Variants in SACS observed in about 807,000 individuals in gnomAD.
SACS encodes the protein sacsin.
A neutral mutation model predicts 348.0 loss-of-function variants in SACS; 197 were observed. That is an observed-to-expected ratio of 0.57 (90% CI 0.50 to 0.64). The LOEUF (loss-of-function observed/expected upper bound fraction) is 0.64, where lower values mean the gene tolerates loss of function less well. SACS is among the 30% of genes least tolerant of loss of function. The pLI is 0.00. For synonymous variants in SACS, 1,985 were observed against 1,910.6 expected, an observed-to-expected ratio of 1.04 and a Z score of -1.02; for missense variants, 4,999 against 5,360.8, an observed-to-expected ratio of 0.93 and a Z score of 2.11.
chr13:23,337,742 ATC>A lies in SACS; in HGVS notation c.6132_6133del (p.Gln2044HisfsTer4). On this transcript the variant is annotated frameshift_variant, in exon 10 of 10. Transcript: ENST00000382292. LOFTEE classifies it high-confidence loss of function. ...CTCTGAAAATGTGTTTTCAAGTAGT[ATC>A]TGTTTGCAGCCAGCTTCTTCAAATC... 6.2e-7 allele frequency: 1 copy of A among 1,613,896 alleles called. No individual in the cohort carries two copies. The highest frequency in any genetic ancestry group is 8.5e-7 in the Non-Finnish European group (1 of 1,179,964).
rs372116193 is a variant in SACS at position 23,350,703 on chromosome 13, A to G, written c.2185+3082T>C. On this transcript the variant is annotated intron_variant, in intron 9 of 9. Transcript: ENST00000382292. ...GAGTAATCATTATGTAGAGCAAAAAATATCAAATGTAGTTACATGTCTGTG... is the reference window on the plus strand; with the variant it reads ...GAGTAATCATTATGTAGAGCAAAAAGTATCAAATGTAGTTACATGTCTGTG... 2.3e-4 allele frequency among the ~76,000 whole-genome samples: 35 copies of G among 152,322 alleles called. No homozygotes were observed. The South Asian group carries it at 7.3e-3, about 32-fold the overall frequency.
chr13:23,411,347 C>T lies in SACS; in HGVS notation c.-108G>A, dbSNP rs974910137. Reference sequence around the variant, plus strand: ...CTTTAAATGTGTACTCCAAGTTCAGCTCTTCCTGCCAGGTGGAAAAAAAGC... The same window carrying T: ...CTTTAAATGTGTACTCCAAGTTCAGTTCTTCCTGCCAGGTGGAAAAAAAGC... On this transcript the variant is annotated 5_prime_UTR_variant, in exon 2 of 10. Coordinates refer to ENST00000382292, the MANE Select transcript of SACS (RefSeq NM_014363.6). 10 of 1,007,246 alleles carry T rather than the reference C, an allele frequency of 9.9e-6. No individual in the cohort carries two copies. The highest frequency in any genetic ancestry group is 5.5e-5 in the Admixed American group (3 of 54,444). The allele number at this position is 1,007,246 out of a possible 1,614,324, so 62.4% of individuals were successfully genotyped here.
intron 1 of SACS, among the ~76,000 whole-genome samples, chr13:23,426,140 C>G (rs929640879): frequency 6.6e-6 from 1 of 152,138 alleles, no homozygotes; most frequent in African/African-American, 2.4e-5. Flanking sequence ...TTATTCCCCA[C>G]GACTGAGTGC....
At chr13:23,358,305 A>G in intron 7 of SACS, 30 bp downstream of exon 7, 1 of 1,606,496 alleles carries the variant, frequency 6.2e-7, no homozygotes, top group South Asian at 1.1e-5. Context: ...ATATTTTCTA[A>G]TACCAAGACC....
chr13:23,408,774 G>A lies in SACS; in HGVS notation c.20+2446C>T, dbSNP rs534894401. 5.9e-5 allele frequency among the ~76,000 whole-genome samples: 9 copies of A among 152,060 alleles called. No individual in the cohort carries two copies. The East Asian group carries it at 9.8e-4, about 17-fold the overall frequency. On this transcript the variant is annotated intron_variant, in intron 2 of 9. Transcript: ENST00000382292. Reference sequence around the variant, plus strand: ...AGGTCAGGAAATCGAGACCATCCTGGCTAACACGGTGAAACCCCATCTCTA... The same window carrying A: ...AGGTCAGGAAATCGAGACCATCCTGACTAACACGGTGAAACCCCATCTCTA...
intron 6 of SACS, among the ~76,000 whole-genome samples, chr13:23,363,901 CTGAAGTCTCT>C (rs945542263): frequency 2.9e-4 from 44 of 152,270 alleles, no homozygotes; most frequent in African/African-American, 9.9e-4. Context: ...AGGACTTAAC[CTGAAGTCTCT>C]TGAATCCAAT....
At chr13:23,373,497 G>A (rs1871524161) in intron 3 of SACS, 1 of 154,614 alleles carries the variant, frequency 6.5e-6, no homozygotes, top group Non-Finnish European at 1.4e-5. Flanking sequence ...CAGTCGGGGG[G>A]CTGAGCGCAG....
intron 2 of SACS, among the ~76,000 whole-genome samples, chr13:23,409,159 C>G (rs188794402): frequency 1.1e-3 from 163 of 141,904 alleles, no homozygotes; most frequent in Non-Finnish European, 1.9e-3. Context: ...CAGCTTCACA[C>G]CATTCTCCTG....
At chr13:23,360,241 G>C (rs1228308473) in intron 6 of SACS, among the ~76,000 whole-genome samples, 1 of 152,092 alleles carries the variant, frequency 6.6e-6, no homozygotes, top group Non-Finnish European at 1.5e-5. Context: ...ATATGATACT[G>C]TCAGTCTTTA....
rs1283337946 is a variant in SACS at position 23,335,997 on chromosome 13, T to C, written c.7879A>G (p.Asn2627Asp). ...YKTGQYGIGFNSVYHITDCPS... is the reference protein window; with the variant it reads ...YKTGQYGIGFDSVYHITDCPS... ...CAGTCTGTGATATGATACACAGAAT[T>C]GAATCCTATTCCATACTGTCCAGTT... Residue 2627 changes from asparagine (N) to aspartate (D), a missense_variant, in exon 10 of 10, where the codon AAT becomes GAT. Physicochemically the swap from Asn to Asp is conservative, Grantham distance 23. Coordinates refer to ENST00000382292, the MANE Select transcript of SACS (RefSeq NM_014363.6). The surrounding 1 kb of genome is among the most constrained non-coding windows in gnomAD (Gnocchi z 4.7). 6.2e-7 allele frequency: 1 copy of C among 1,612,954 alleles called. No homozygotes were observed. The highest frequency in any genetic ancestry group is 8.5e-7 in the Non-Finnish European group (1 of 1,179,104).
intron 2 of SACS, among the ~76,000 whole-genome samples, chr13:23,398,444 G>A (rs1158720491): frequency 6.8e-6 from 1 of 148,134 alleles, no homozygotes; most frequent in East Asian, 2.0e-4. Context: ...TGAGGCAGGA[G>A]AATTGCTTGA....
intron 2 of SACS, among the ~76,000 whole-genome samples, chr13:23,396,344 T>TTATA (rs1872711485): frequency 1.3e-5 from 2 of 150,516 alleles, no homozygotes; most frequent in African/African-American, 4.9e-5. Context: ...AAAAAAGAAC[T>TTATA]TATATAAATT....
At chr13:23,387,566 G>A (rs1370205069) in intron 2 of SACS, among the ~76,000 whole-genome samples, 1 of 151,804 alleles carries the variant, frequency 6.6e-6, no homozygotes, top group African/African-American at 2.4e-5. Context: ...AGACCCTGTA[G>A]AGATAAGCTG....
Position 23,332,219 on chromosome 13 carries a change from C to T in SACS, c.11657G>A (p.Arg3886Lys). ...CTTGACTGAATCATTCTGTAGACTC[C>T]TGAACAGACCAGAAACTACTCTCTT... Reference protein sequence around the residue: ...TVKRVVSGLFRSLQNDSVKVR... With the variant: ...TVKRVVSGLFKSLQNDSVKVR... Residue 3886 changes from arginine (R) to lysine (K), a missense_variant, in exon 10 of 10, where the codon AGG becomes AAG. Transcript: ENST00000382292. 1 of 1,613,980 alleles carries T rather than the reference C, an allele frequency of 6.2e-7. No individual in the cohort carries two copies. The highest frequency in any genetic ancestry group is 1.3e-5 in the African/African-American group (1 of 75,020).
intron 2 of SACS, among the ~76,000 whole-genome samples, chr13:23,376,242 G>A (rs1474448761): frequency 6.6e-6 from 1 of 152,152 alleles, no homozygotes; most frequent in Non-Finnish European, 1.5e-5. Context: ...TTGAAAGCAG[G>A]AACATGAGTC....
chr13:23,355,624 CCA>C lies in SACS; in HGVS notation c.986_987del (p.Leu329ArgfsTer3). ...CTCTCACTCGAAGTCACTCTAAACA[CCA>C]GTTTCTCTGTTCCGTCAGCCTCTCG... Reference protein sequence around the residue: ...YVREADGTEKLVFRVTSSESK... With the variant: ...YVREADGTEKXVFRVTSSESK... On this transcript the variant is annotated frameshift_variant, in exon 8 of 10. Transcript: ENST00000382292. LOFTEE classifies it high-confidence loss of function. 1 of 1,614,154 alleles carries C rather than the reference CCA, an allele frequency of 6.2e-7. No homozygotes were observed. The highest frequency in any genetic ancestry group is 8.5e-7 in the Non-Finnish European group (1 of 1,180,032).
Position 23,381,864 on chromosome 13 carries a change from T to C in SACS, c.21-6595A>G, listed in dbSNP as rs1173675091. Reference sequence around the variant, plus strand: ...ACAGTTCAATGGGTTATCATTACTTTATTGCTGTGCAGAGCCTTTGCCACA... The same window carrying C: ...ACAGTTCAATGGGTTATCATTACTTCATTGCTGTGCAGAGCCTTTGCCACA... On this transcript the variant is annotated intron_variant, in intron 2 of 9. Transcript: ENST00000382292. Among the ~76,000 whole-genome samples the C allele has an allele frequency of 4.6e-5, 7 of 152,220 alleles. No individual in the cohort carries two copies. In the South Asian group the frequency reaches 8.3e-4, roughly 18 times the overall value.
At chr13:23,424,779 T>C (rs1172339711) in intron 1 of SACS, among the ~76,000 whole-genome samples, 2 of 152,180 alleles carry the variant, frequency 1.3e-5, no homozygotes, top group African/African-American at 4.8e-5. Context: ...AACCAAGCTA[T>C]GTACAAAGAA....
chr13:23,375,325 C>A (rs1009954610), intron 2 of SACS, 56 bp from the exon 3 acceptor site: 1 of 1,354,752 alleles, frequency 7.4e-7, no homozygotes, highest in Admixed American at 3.2e-5. Context: ...GCCCGCCCAG[C>A]GCCCGCGCGG....
Sources: gnomAD v4.1 joint callset for allele counts (sites outside exome capture counted in the v4.1 genomes callset) on GRCh38, gnomAD v4.1.1 for gene constraint, Gnocchi (gnomAD v3.1) non-coding constraint, MANE v1.5 for transcripts, NCBI Gene and HGNC (gene_info 2026-07-23, HGNC 2026-07-21) for gene names.